COBL: variants seen among roughly 807,000 people sequenced by gnomAD.
The protein encoded by COBL is cordon-bleu WH2 repeat protein, also known as protein cordon-bleu.
Under a neutral mutation model 98.8 loss-of-function variants are expected in COBL, and 51 were observed. The ratio of observed to expected loss-of-function variants is 0.52; its 90% CI spans 0.41 to 0.65. The LOEUF is 0.65. Ranked by LOEUF, COBL falls within the 30% of genes least tolerant of loss-of-function variation. The pLI, the probability that COBL is intolerant of heterozygous loss-of-function variation, is 0.00. For missense variants in COBL, 1,617 were observed against 1,617.5 expected, an observed-to-expected ratio of 1.00 and a Z score of 0.01; for synonymous variants, 634 against 651.7, an observed-to-expected ratio of 0.97 and a Z score of 0.41.
chr7:51,123,513 C>T (rs1252604881), intron 6 of COBL, among the ~76,000 whole-genome samples: 3 of 152,118 alleles, frequency 2.0e-5, no homozygotes, highest in African/African-American at 7.2e-5. Flanking sequence ...GTTTCAACTG[C>T]AGTAGGACTT....
At chr7:51,065,787 A>G (rs1188340341) in intron 7 of COBL, among the ~76,000 whole-genome samples, 2 of 152,254 alleles carry the variant, frequency 1.3e-5, no homozygotes, top group Non-Finnish European at 2.9e-5. Context: ...TCAGAATGTA[A>G]CATTATTAGG....
At chr7:51,055,651 G>T (rs912406282) in intron 7 of COBL, among the ~76,000 whole-genome samples, 3 of 152,210 alleles carry the variant, frequency 2.0e-5, no homozygotes, top group Non-Finnish European at 4.4e-5. Context: ...AGGGGTGCAT[G>T]TTCCCAGGTG....
At chr7:51,293,341 C>T (rs1411927016) in intron 1 of COBL, among the ~76,000 whole-genome samples, 1 of 152,124 alleles carries the variant, frequency 6.6e-6, no homozygotes, top group Non-Finnish European at 1.5e-5. Flanking sequence ...ATAGCTAAAA[C>T]CCCAAAACAA....
intron 8 of COBL, chr7:51,031,409 G>A (rs972936663): frequency 3.2e-5 from 5 of 155,756 alleles, no homozygotes; most frequent in African/African-American, 1.2e-4. Context: ...GCTGGAGGCT[G>A]GTCCACCTCA....
In COBL at chr7:51,028,243, C is replaced by T. The variant is rs144492946; in HGVS notation, c.2853G>A (p.Arg951=). 87 of 1,614,004 alleles carry T rather than the reference C, an allele frequency of 5.4e-5. No individual in the cohort carries two copies. Among genetic ancestry groups the T allele is most frequent in the Non-Finnish European group, 6.8e-5 (80 of 1,179,904 alleles). ...GEDLAVGAPP[R]GEVIGPHRKL... is the part of the protein sequence containing the mutation. ...TCCTGTGTGGGCCAATGACCTCCCC[C>T]CTAGGAGGGGCTCCCACTGCCAAAT... The change falls in exon 10 of 13, where the codon AGG becomes AGA. Residue 951 remains arginine (R), a synonymous_variant. Coordinates refer to ENST00000265136, the MANE Select transcript of COBL (RefSeq NM_015198.5).
In COBL at chr7:51,031,351, C is replaced by T. The variant is rs946414062; in HGVS notation, c.1407-442G>A. The T allele has an allele frequency of 1.9e-5, 3 of 157,674 alleles. No individual in the cohort carries two copies. In the East Asian group the frequency reaches 5.6e-4, roughly 30 times the overall value. 9.8% of individuals were successfully genotyped at this position (157,674 alleles called of 1,614,324 possible). On this transcript the variant is annotated intron_variant, in intron 8 of 12. Transcript: ENST00000265136. The stretch of plus-strand genomic sequence containing the variant: ...CTACAGCAGTCCCCTGCACCTGGCA[C>T]CTGGCAAGAAGGAGTGAAGCCATCT...
intron 1 of COBL, among the ~76,000 whole-genome samples, chr7:51,237,535 T>C (rs559362993): frequency 1.2e-3 from 121 of 101,300 alleles, no homozygotes; most frequent in African/African-American, 5.0e-3. Flanking sequence ...CCTTTTTTTT[T>C]CTTAAAAAAA....
At chr7:51,051,618 G>A (rs1360599918) in intron 7 of COBL, among the ~76,000 whole-genome samples, 1 of 152,124 alleles carries the variant, frequency 6.6e-6, no homozygotes. Context: ...TTTAAATGGG[G>A]GTATCAGCGA....
At chr7:51,215,050 C>T (rs570612439) in intron 2 of COBL, among the ~76,000 whole-genome samples, 15 of 152,012 alleles carry the variant, frequency 9.9e-5, no homozygotes, top group Admixed American at 2.0e-4. Context: ...CAGTGCCTCA[C>T]GAAAGTTAGC....
chr7:51,070,432 C>T (rs979900917), intron 7 of COBL, among the ~76,000 whole-genome samples: 1 of 151,348 alleles, frequency 6.6e-6, no homozygotes, highest in Non-Finnish European at 1.5e-5. Flanking sequence ...CACAAAATTC[C>T]GAGAAGCCAG....
intron 2 of COBL, among the ~76,000 whole-genome samples, chr7:51,195,480 T>C (rs1790508095): frequency 6.6e-6 from 1 of 152,332 alleles, no homozygotes; most frequent in African/African-American, 2.4e-5. Context: ...TTGCTTAGGA[T>C]GGCCTTGGCT....
intron 5 of COBL, among the ~76,000 whole-genome samples, chr7:51,165,174 G>A (rs2129038138): frequency 6.6e-6 from 1 of 151,914 alleles, no homozygotes; most frequent in South Asian, 2.1e-4. Context: ...AAAACAGACT[G>A]GCTGTATGAA....
chr7:51,264,599 A>T (rs1286931634), intron 1 of COBL, among the ~76,000 whole-genome samples: 2 of 133,380 alleles, frequency 1.5e-5, no homozygotes, highest in South Asian at 5.4e-4. Flanking sequence ...TGAACCCGGG[A>T]GGTGGAGGTT....
At chr7:51,175,322 A>C (rs935662084) in intron 5 of COBL, among the ~76,000 whole-genome samples, 2 of 152,216 alleles carry the variant, frequency 1.3e-5, no homozygotes, top group African/African-American at 4.8e-5. Flanking sequence ...TTTTATACCA[A>C]AAGGTGCATG....
intron 5 of COBL, among the ~76,000 whole-genome samples, chr7:51,149,896 A>G (rs1186704504): frequency 6.6e-6 from 1 of 152,212 alleles, no homozygotes; most frequent in Non-Finnish European, 1.5e-5. Flanking sequence ...AAGTGCTGGG[A>G]TTACAGGCAT....
chr7:51,093,281 T>C (rs10215867), intron 6 of COBL, among the ~76,000 whole-genome samples: 96,758 of 152,052 alleles, frequency 0.64, 31,450 homozygotes, highest in African/African-American at 0.78. Context: ...TGAAAAAATG[T>C]TCAATATCGC....
At chr7:51,274,369 T>C (rs1056145098) in intron 1 of COBL, among the ~76,000 whole-genome samples, 4 of 152,226 alleles carry the variant, frequency 2.6e-5, no homozygotes, top group African/African-American at 9.7e-5. Context: ...CTCCTGGGCA[T>C]GGTCCTGAGG....
intron 2 of COBL, among the ~76,000 whole-genome samples, chr7:51,196,298 A>T (rs533559875): frequency 1.3e-5 from 2 of 152,202 alleles, no homozygotes; most frequent in Non-Finnish European, 2.9e-5. Flanking sequence ...GATGAAATAC[A>T]TTTATTGATT....
chr7:51,240,768 C>T (rs1795718532), intron 1 of COBL, among the ~76,000 whole-genome samples: 1 of 152,134 alleles, frequency 6.6e-6, no homozygotes, highest in South Asian at 2.1e-4. Flanking sequence ...GTCTTGAACT[C>T]CTGACCTCAG....
Sources: allele counts gnomAD v4.1 joint callset (sites outside exome capture counted in the v4.1 genomes callset), GRCh38; gene constraint gnomAD v4.1.1; transcripts MANE v1.5; gene names NCBI Gene and HGNC (gene_info 2026-07-23, HGNC 2026-07-21).